PAPPA2: variants seen among roughly 807,000 people sequenced by gnomAD.
PAPPA2 encodes pappalysin-2.
In PAPPA2, 86 loss-of-function variants were observed where a neutral mutation model predicts 176.4. That is an observed-to-expected ratio of 0.49 (90% CI 0.41 to 0.58). PAPPA2 has a LOEUF of 0.58. PAPPA2 is among the 20% of genes least tolerant of loss of function. The pLI is 0.00. For missense variants in PAPPA2, 2,073 were observed against 2,256.9 expected (o/e 0.92, Z 1.65); for synonymous variants, 809 against 852.2 (o/e 0.95, Z 0.88).
chr1:176,559,617 T>A (rs1365061011), intron 2 of PAPPA2, among the ~76,000 whole-genome samples: 16 of 152,158 alleles, frequency 1.1e-4, no homozygotes, highest in Admixed American at 1.0e-3. Flanking sequence ...GACAGACCAG[T>A]CCATCTTCCT....
chr1:176,734,745 T>C (rs1024686586), intron 12 of PAPPA2, among the ~76,000 whole-genome samples: 3 of 152,040 alleles, frequency 2.0e-5, no homozygotes, highest in African/African-American at 7.2e-5. Context: ...CCAGAAGAAA[T>C]TGCCAATATT....
chr1:176,671,181 G>C, intron 4 of PAPPA2, 66 bp downstream of exon 4: 2 of 1,586,864 alleles, frequency 1.3e-6, no homozygotes, highest in Non-Finnish European at 1.7e-6. Flanking sequence ...GCTTGCGAAA[G>C]TAAGTTTGGG....
At chr1:176,487,796 CA>C (rs1268317016) in intron 1 of PAPPA2, among the ~76,000 whole-genome samples, 1 of 152,034 alleles carries the variant, frequency 6.6e-6, no homozygotes, top group Non-Finnish European at 1.5e-5. Flanking sequence ...GTGTAAATAA[CA>C]CAAGAGAAGC....
At chr1:176,816,224 TTTA>T (rs1402865923) in intron 21 of PAPPA2, among the ~76,000 whole-genome samples, 4 of 65,842 alleles carry the variant, frequency 6.1e-5, no homozygotes, top group African/African-American at 3.0e-4. Context: ...ATATATAAAA[TTTA>T]TGTGTGTGTG....
At chr1:176,789,275 C>A (rs1297177769) in intron 17 of PAPPA2, among the ~76,000 whole-genome samples, 2 of 152,086 alleles carry the variant, frequency 1.3e-5, no homozygotes, top group Non-Finnish European at 2.9e-5. Context: ...AGCTGGAAAC[C>A]ATCATTCTCA....
intron 3 of PAPPA2, among the ~76,000 whole-genome samples, chr1:176,630,373 A>G (rs2102707365): frequency 6.6e-6 from 1 of 152,314 alleles, no homozygotes; most frequent in Admixed American, 6.5e-5. Flanking sequence ...AGAGATGTGA[A>G]ATGACAATCC....
intron 1 of PAPPA2, among the ~76,000 whole-genome samples, chr1:176,508,356 A>G (rs938653499): frequency 4.6e-5 from 7 of 152,344 alleles, no homozygotes; most frequent in Non-Finnish European, 8.8e-5. Context: ...ATTTAAAAAC[A>G]GCTATTGTAA....
At chr1:176,762,557 ACT>A (rs1376652818) in intron 14 of PAPPA2, among the ~76,000 whole-genome samples, 2 of 151,858 alleles carry the variant, frequency 1.3e-5, no homozygotes, top group African/African-American at 4.8e-5. Flanking sequence ...AGTATTAATG[ACT>A]CTCTGTTTCC....
chr1:176,549,636 A>G (rs1326463369), intron 1 of PAPPA2, among the ~76,000 whole-genome samples: 1 of 152,218 alleles, frequency 6.6e-6, no homozygotes, highest in Non-Finnish European at 1.5e-5. Flanking sequence ...AAGCCAGCTT[A>G]GTGCTCCATC....
intron 1 of PAPPA2, among the ~76,000 whole-genome samples, chr1:176,492,462 A>T (rs1048277793): frequency 6.6e-6 from 1 of 152,184 alleles, no homozygotes; most frequent in African/African-American, 2.4e-5. Flanking sequence ...CTAAATTTGG[A>T]TCCCAGTCTG....
intron 4 of PAPPA2, among the ~76,000 whole-genome samples, chr1:176,681,399 G>T (rs969929256): frequency 3.9e-5 from 6 of 152,146 alleles, no homozygotes; most frequent in Non-Finnish European, 7.4e-5. Flanking sequence ...CTTGAACCTG[G>T]ATCATGGGGG....
intron 17 of PAPPA2, among the ~76,000 whole-genome samples, chr1:176,789,344 T>C (rs1665077093): frequency 6.6e-6 from 1 of 151,890 alleles, no homozygotes; most frequent in South Asian, 2.1e-4. Flanking sequence ...TAGGTGGGAA[T>C]TGAACAGTGA....
chr1:176,550,943 A>G (rs1330155454), intron 1 of PAPPA2, among the ~76,000 whole-genome samples: 2 of 152,300 alleles, frequency 1.3e-5, no homozygotes, highest in East Asian at 3.9e-4. Context: ...TTCCCATCCA[A>G]TTGACAAATG....
At chr1:176,696,987 A>T (rs1331727732) in intron 7 of PAPPA2, among the ~76,000 whole-genome samples, 6 of 152,152 alleles carry the variant, frequency 3.9e-5, no homozygotes, top group Non-Finnish European at 7.4e-5. Context: ...AGTGAGTATA[A>T]AATTTACTGC....
At chr1:176,739,188 G>A (rs1271585182) in intron 12 of PAPPA2, among the ~76,000 whole-genome samples, 4 of 152,154 alleles carry the variant, frequency 2.6e-5, no homozygotes, top group African/African-American at 9.7e-5. Flanking sequence ...AGACATGGCA[G>A]TTCAGAACTT....
chr1:176,786,536 A>G (rs554493893), intron 17 of PAPPA2, among the ~76,000 whole-genome samples: 1 of 152,370 alleles, frequency 6.6e-6, no homozygotes, highest in East Asian at 1.9e-4. Flanking sequence ...TCATTACTCA[A>G]TACAAAAATT....
chr1:176,573,749 C>A (rs1025405571), intron 2 of PAPPA2, among the ~76,000 whole-genome samples: 1 of 152,088 alleles, frequency 6.6e-6, no homozygotes, highest in Non-Finnish European at 1.5e-5. Context: ...AGAAAATTGT[C>A]CAAGATGAGT....
rs778760666 is a variant in PAPPA2 at position 176,702,696 on chromosome 1, T to C, written c.3326T>C (p.Ile1109Thr). 30 of 1,612,492 alleles carry C rather than the reference T, an allele frequency of 1.9e-5. 1 individual carries two copies. The South Asian group carries it at 3.2e-4, about 17-fold the overall frequency. ...LGEASPPLNH[I>T]HGAPYCGDGK... ...GAAGCTTCGCCTCCTCTGAACCACA[T>C]TCATGGAGCTCCTTATTGTGGAGAT... Residue 1109 changes from isoleucine to threonine, a missense_variant, in exon 9 of 23, where the codon ATT becomes ACT. Coordinates refer to ENST00000367662, the MANE Select transcript of PAPPA2 (RefSeq NM_020318.3).
intron 4 of PAPPA2, among the ~76,000 whole-genome samples, chr1:176,678,322 T>A: frequency 6.6e-6 from 1 of 152,308 alleles, no homozygotes; most frequent in Non-Finnish European, 1.5e-5. Flanking sequence ...TATTTTAAAC[T>A]ACTATCATTT....
Sources: gnomAD v4.1 joint callset for allele counts (sites outside exome capture counted in the v4.1 genomes callset) on GRCh38, gnomAD v4.1.1 for gene constraint, MANE v1.5 for transcripts, NCBI Gene and HGNC (gene_info 2026-07-23, HGNC 2026-07-21) for gene names.